Variants in HELZ observed in about 807,000 individuals in gnomAD.
HELZ encodes the protein ATP-dependent RNA helicase with zinc finger domain.
A neutral mutation model predicts 218.2 loss-of-function variants in HELZ; 23 were observed. That is an observed-to-expected ratio of 0.11 (90% CI 0.08 to 0.15). The LOEUF is 0.15. HELZ is among the 10% of genes least tolerant of loss of function. HELZ has a pLI of 1.00. For missense variants in HELZ, 1,813 were observed against 2,353.7 expected (o/e 0.77, Z 4.75); for synonymous variants, 814 against 829.4 (o/e 0.98, Z 0.32).
intron 4 of HELZ, 119 bp from the exon 5 acceptor site, chr17:67,216,054 T>C (rs985063882): frequency 2.9e-6 from 2 of 698,188 alleles, no homozygotes; most frequent in Non-Finnish European, 5.2e-6. Context: ...GTAAACTTAC[T>C]ATTCACAGAG....
chr17:67,156,471 C>T (rs1408119322), intron 17 of HELZ, among the ~76,000 whole-genome samples: 1 of 152,110 alleles, frequency 6.6e-6, no homozygotes, highest in Non-Finnish European at 1.5e-5. Flanking sequence ...CCTATTCACT[C>T]CTCTAAACAT....
In HELZ at chr17:67,203,568, T is replaced by C. The variant is rs2040222871; in HGVS notation, c.248-125A>G. 6.5e-6 allele frequency: 7 copies of C among 1,084,296 alleles called. No individual in the cohort carries two copies. The Admixed American group carries it at 1.2e-4, about 19-fold the overall frequency. The allele number at this position is 1,084,296 out of a possible 1,614,324, so 67.2% of individuals were successfully genotyped here. ...GCTAAAAGAGTAACTTCAAATACTCTAGAGGGAAGCAGTGGTGTTTCTGTT... is the reference window on the plus strand; with the variant it reads ...GCTAAAAGAGTAACTTCAAATACTCCAGAGGGAAGCAGTGGTGTTTCTGTT... On this transcript the variant is annotated intron_variant, in intron 5 of 32. Transcript: ENST00000358691.
rs918146952 is a variant in HELZ at position 67,073,868 on chromosome 17, C to T, written c.*4384G>A. 2 of 152,136 alleles carry T rather than the reference C, an allele frequency of 1.3e-5. No homozygotes were observed. The highest frequency in any genetic ancestry group is 1.3e-4 in the Admixed American group (2 of 15,282). The allele number at this position is 152,136 out of a possible 1,614,324, so 9.4% of individuals were successfully genotyped here. ...GAATTTAGCAGCTTTAAAGTCTCAG[C>T]TAATAAATGTCCATCCTCAAGCAGA... On this transcript the variant is annotated 3_prime_UTR_variant, in exon 33 of 33. Coordinates refer to ENST00000358691, the MANE Select transcript of HELZ (RefSeq NM_014877.4).
chr17:67,179,017 G>A (rs1401936823), intron 12 of HELZ, 91 bp from the exon 13 acceptor site: 1 of 839,634 alleles, frequency 1.2e-6, no homozygotes, highest in Non-Finnish European at 1.8e-6. Context: ...ACATATTTTT[G>A]TATGAGAATT....
intron 31 of HELZ, among the ~76,000 whole-genome samples, chr17:67,094,333 A>AAAAGAGAGAG (rs528061407): frequency 6.8e-6 from 1 of 146,564 alleles, no homozygotes; most frequent in African/African-American, 2.6e-5. Flanking sequence ...AAAAAAAAAA[A>AAAAGAGAGAG]AGAGAGAGAG....
At chr17:67,194,071 C>T (rs1178426363) in intron 8 of HELZ, 29 bp from the exon 9 acceptor site, 9 of 1,487,512 alleles carry the variant, frequency 6.1e-6, no homozygotes, top group Non-Finnish European at 8.4e-6. Flanking sequence ...ATAGTCTTAT[C>T]ATTTGAGGCT....
In HELZ at chr17:67,071,183, T is replaced by C. The variant is rs969367983; in HGVS notation, c.*7069A>G. Reference sequence around the variant, plus strand: ...AAATCAGATACAGTACAATGTCATATACATGGATTTATAGGAAGCAGGCAT... The same window carrying C: ...AAATCAGATACAGTACAATGTCATACACATGGATTTATAGGAAGCAGGCAT... On this transcript the variant is annotated 3_prime_UTR_variant, in exon 33 of 33. Coordinates refer to ENST00000358691, the MANE Select transcript of HELZ (RefSeq NM_014877.4). 1.3e-5 allele frequency: 2 copies of C among 152,700 alleles called. No homozygotes were observed. Among genetic ancestry groups the C allele is most frequent in the Admixed American group, 6.5e-5 (1 of 15,302 alleles). The allele number at this position is 152,700 out of a possible 1,614,324, so 9.5% of individuals were successfully genotyped here. A position where few individuals can be genotyped will look rare whatever the true frequency, so the allele number is the denominator to read the frequency against.
rs1312484142 is a variant in HELZ, at chr17:67,120,454, C to G, written c.3789G>C (p.Gln1263His). 6.2e-7 allele frequency: 1 copy of G among 1,613,904 alleles called. No individual in the cohort carries two copies. The highest frequency in any genetic ancestry group is 1.3e-5 in the African/African-American group (1 of 74,870). ...LGHHPPVTIG[Q>H]PQNQHQEKDQ... is the part of the protein sequence containing the mutation. ...CCTTCTCCTGATGCTGATTTTGTGG[C>G]TGGCCTATGGTGACAGGTGGGTGAT... Residue 1263 changes from glutamine to histidine, a missense_variant, in exon 27 of 33, where the codon CAG becomes CAC. Physicochemically the swap from Gln to His is conservative, Grantham distance 24. This residue lies in a region of HELZ where 938 missense variants were observed against 1,027.5 expected (regional missense o/e 0.91). Coordinates refer to ENST00000358691, the MANE Select transcript of HELZ (RefSeq NM_014877.4).
At chr17:67,133,341 C>T (rs1303043704) in intron 23 of HELZ, among the ~76,000 whole-genome samples, 1 of 152,066 alleles carries the variant, frequency 6.6e-6, no homozygotes, top group Non-Finnish European at 1.5e-5. Flanking sequence ...CACCCATTTG[C>T]TCTAAGAAAG....
At chr17:67,084,217 C>CTA (rs2036283731) in intron 32 of HELZ, among the ~76,000 whole-genome samples, 1 of 152,208 alleles carries the variant, frequency 6.6e-6, no homozygotes, top group South Asian at 2.1e-4. Flanking sequence ...ATACTACACT[C>CTA]TGTCTCCAAG....
At chr17:67,111,419 C>G (rs1245532621) in intron 28 of HELZ, among the ~76,000 whole-genome samples, 1 of 152,160 alleles carries the variant, frequency 6.6e-6, no homozygotes, top group Non-Finnish European at 1.5e-5. Flanking sequence ...CGTCAATCTC[C>G]TTACAAGTTT....
At chr17:67,140,615 C>A (rs1248652855) in intron 21 of HELZ, among the ~76,000 whole-genome samples, 1 of 152,054 alleles carries the variant, frequency 6.6e-6, no homozygotes, top group African/African-American at 2.4e-5. Context: ...CAACATGCAT[C>A]TGATGGGAGA....
At chr17:67,155,633 T>G (rs540738102) in intron 17 of HELZ, among the ~76,000 whole-genome samples, 40 of 152,300 alleles carry the variant, frequency 2.6e-4, no homozygotes, top group African/African-American at 9.6e-4. Flanking sequence ...GGCCAGGAGT[T>G]CGAGGCCAGC....
At chr17:67,115,970 T>A (rs2037412802) in intron 27 of HELZ, among the ~76,000 whole-genome samples, 1 of 152,138 alleles carries the variant, frequency 6.6e-6, no homozygotes, top group African/African-American at 2.4e-5. Flanking sequence ...AAATAACAAT[T>A]ATGTTTTGGG....
chr17:67,114,556 T>C (rs1294463187), intron 27 of HELZ, among the ~76,000 whole-genome samples, 153 bp from the exon 28 acceptor site: 1 of 152,250 alleles, frequency 6.6e-6, no homozygotes, highest in Non-Finnish European at 1.5e-5. Context: ...TCTTAAATTT[T>C]CAGAGTTACA....
intron 13 of HELZ, among the ~76,000 whole-genome samples, chr17:67,169,158 C>T (rs966122671): frequency 6.6e-6 from 1 of 152,012 alleles, no homozygotes; most frequent in African/African-American, 2.4e-5. Flanking sequence ...AACAGTTCTC[C>T]TTTGCTGTTC....
intron 3 of HELZ, among the ~76,000 whole-genome samples, chr17:67,219,542 C>G (rs957334592): frequency 6.6e-6 from 1 of 152,168 alleles, no homozygotes; most frequent in African/African-American, 2.4e-5. Context: ...ACAGGGAGAG[C>G]AAATGTGAGC....
rs751495728 is a variant in HELZ, at chr17:67,114,273, T to C, written c.3918+51A>G. 6 of 1,186,334 alleles carry C rather than the reference T, an allele frequency of 5.1e-6. No homozygotes were observed. In the East Asian group the frequency reaches 1.4e-4, roughly 28 times the overall value. 73.5% of individuals were successfully genotyped at this position (1,186,334 alleles called of 1,614,324 possible). On this transcript the variant is annotated intron_variant, in intron 28 of 32. Coordinates refer to ENST00000358691, the MANE Select transcript of HELZ (RefSeq NM_014877.4). ...TCTTTAAAACATCAAGATTCCAAGATGACCAATCAGACTAAATCCACTAGG... is the reference window on the plus strand; with the variant it reads ...TCTTTAAAACATCAAGATTCCAAGACGACCAATCAGACTAAATCCACTAGG...
chr17:67,156,907 G>C (rs2038859646), intron 17 of HELZ, among the ~76,000 whole-genome samples: 1 of 152,158 alleles, frequency 6.6e-6, no homozygotes, highest in Admixed American at 6.5e-5. Flanking sequence ...TTGGAGGTAG[G>C]GCCCAGTGGG....
Sources: allele counts gnomAD v4.1 joint callset (sites outside exome capture counted in the v4.1 genomes callset), GRCh38; gene constraint gnomAD v4.1.1; regional missense constraint gnomAD v4.1.1; transcripts MANE v1.5; gene names NCBI Gene and HGNC (gene_info 2026-07-23, HGNC 2026-07-21).